The following TRUB1 variants were observed in gnomAD, a reference collection of about 807,000 sequenced individuals.
TRUB1 encodes pseudouridylate synthase TRUB1.
A neutral mutation model predicts 33.9 loss-of-function variants in TRUB1; 23 were observed. The observed-to-expected ratio is 0.68, with a 90% CI of 0.49 to 0.96. TRUB1 has a LOEUF of 0.96. Among genes scored for constraint, TRUB1 ranks in the 40% least tolerant of loss-of-function variants. The pLI, the probability that TRUB1 is intolerant of heterozygous loss-of-function variation, is 0.00. For missense variants in TRUB1, 378 were observed against 422.2 expected, an observed-to-expected ratio of 0.90 and a Z score of 0.92; for synonymous variants, 163 against 165.4, an observed-to-expected ratio of 0.99 and a Z score of 0.11.
chr10:114,946,233 G>A (rs888394405), intron 2 of TRUB1, among the ~76,000 whole-genome samples: 2 of 152,022 alleles, frequency 1.3e-5, no homozygotes, highest in Non-Finnish European at 2.9e-5. Flanking sequence ...AGAAGATAAC[G>A]TCTACCAAAA....
intron 1 of TRUB1, among the ~76,000 whole-genome samples, chr10:114,939,096 A>G (rs2084173275): frequency 6.6e-6 from 1 of 152,216 alleles, no homozygotes; most frequent in Non-Finnish European, 1.5e-5. Flanking sequence ...AATTCTAAAT[A>G]GTTGCTCCAG....
At chr10:114,950,141 G>A (rs112638932) in intron 2 of TRUB1, among the ~76,000 whole-genome samples, 3,683 of 151,924 alleles carry the variant, frequency 0.024, 57 homozygotes, top group Middle Eastern at 0.065. Context: ...CAGGTGATCC[G>A]CCCGCCTCAA....
At chr10:114,944,982 C>T (rs2084205492) in intron 2 of TRUB1, among the ~76,000 whole-genome samples, 1 of 152,092 alleles carries the variant, frequency 6.6e-6, no homozygotes, top group Non-Finnish European at 1.5e-5. Context: ...AAAACAAAAA[C>T]CCCAGTTAAT....
Position 114,976,608 on chromosome 10 carries a change from CTTTCTTTT to C in TRUB1, c.*1231_*1238del, listed in dbSNP as rs1472032856. ...AAGTTTTTAGATGTTTATGCTTTGC[CTTTCTTTT>C]TAAAGGTGTTTTCCTGCTTTGTAGT... is the stretch of plus-strand genomic sequence containing the variant. On this transcript the variant is annotated 3_prime_UTR_variant, in exon 8 of 8. Transcript: ENST00000298746. 6.6e-6 allele frequency: 1 copy of C among 152,070 alleles called. No individual in the cohort carries two copies. Among genetic ancestry groups the C allele is most frequent in the Non-Finnish European group, 1.5e-5 (1 of 67,988 alleles). The allele number at this position is 152,070 out of a possible 1,614,324, so 9.4% of individuals were successfully genotyped here.
chr10:114,945,631 C>T (rs2084207917), intron 2 of TRUB1, among the ~76,000 whole-genome samples: 1 of 152,104 alleles, frequency 6.6e-6, no homozygotes, highest in African/African-American at 2.4e-5. Flanking sequence ...TGAATGCAGC[C>T]CTACACAAAT....
At chr10:114,953,077 C>A (rs1419962623) in intron 3 of TRUB1, among the ~76,000 whole-genome samples, 1 of 152,108 alleles carries the variant, frequency 6.6e-6, no homozygotes, top group East Asian at 1.9e-4. Flanking sequence ...CCTCCTCCCC[C>A]AAACCACAAA....
At chr10:114,971,052 G>A (rs1429670265) in intron 5 of TRUB1, among the ~76,000 whole-genome samples, 1 of 152,184 alleles carries the variant, frequency 6.6e-6, no homozygotes, top group African/African-American at 2.4e-5. Context: ...CAGGATCACA[G>A]TGCAGTGGGC....
chr10:114,966,258 C>T (rs1206312261), intron 4 of TRUB1, among the ~76,000 whole-genome samples: 1 of 152,140 alleles, frequency 6.6e-6, no homozygotes, highest in Non-Finnish European at 1.5e-5. Context: ...ACTATCCTTT[C>T]TGTGGTTGCC....
chr10:114,940,038 G>T (rs1041265083), intron 1 of TRUB1, among the ~76,000 whole-genome samples: 12 of 152,070 alleles, frequency 7.9e-5, no homozygotes, highest in African/African-American at 2.9e-4. Flanking sequence ...CTTGTGATTG[G>T]CCTATTTTGT....
At chr10:114,947,067 CAG>C (rs944848524) in intron 2 of TRUB1, among the ~76,000 whole-genome samples, 1 of 151,954 alleles carries the variant, frequency 6.6e-6, no homozygotes, top group African/African-American at 2.4e-5. Context: ...AAGAGAGAGT[CAG>C]AGGAGATGTG....
chr10:114,946,192 A>G (rs1592048609), intron 2 of TRUB1, among the ~76,000 whole-genome samples: 1 of 152,194 alleles, frequency 6.6e-6, no homozygotes. Context: ...AAAATCTCGT[A>G]ACTTCACTGA....
rs75454289 is a variant in TRUB1, at chr10:114,949,148, A to G, written c.386-1946A>G. Among the ~76,000 whole-genome samples, 1,416 of 152,232 alleles carry G rather than the reference A, an allele frequency of 9.3e-3. 22 individuals carry two copies. The highest frequency in any genetic ancestry group is 0.032 in the African/African-American group (1,336 of 41,540). On this transcript the variant is annotated intron_variant, in intron 2 of 7. Transcript: ENST00000298746. ...TTCTTGAGCACTGTGATTTTTCTGT[A>G]TTTTATTTTCCTGATGAGATTATAA...
intron 3 of TRUB1, among the ~76,000 whole-genome samples, chr10:114,958,623 T>C (rs1460304679): frequency 6.6e-6 from 1 of 152,230 alleles, no homozygotes; most frequent in African/African-American, 2.4e-5. Context: ...GAAATAAAGT[T>C]CTTGCACTTT....
chr10:114,946,028 A>C (rs2084209763), intron 2 of TRUB1, among the ~76,000 whole-genome samples: 1 of 152,218 alleles, frequency 6.6e-6, no homozygotes, highest in African/African-American at 2.4e-5. Flanking sequence ...TTAGTCACAG[A>C]GTAAGGGATG....
At chr10:114,968,112 G>C (rs1055053054) in intron 4 of TRUB1, among the ~76,000 whole-genome samples, 2 of 152,076 alleles carry the variant, frequency 1.3e-5, no homozygotes, top group Non-Finnish European at 2.9e-5. Context: ...AATCAAATAT[G>C]TAGAAAGAAG....
chr10:114,968,607 G>A (rs1232181662), intron 4 of TRUB1, among the ~76,000 whole-genome samples: 1 of 152,216 alleles, frequency 6.6e-6, no homozygotes, highest in East Asian at 1.9e-4. Flanking sequence ...TTGAGAAACA[G>A]TATGAACAGA....
rs780298786 is a variant in TRUB1, at chr10:114,938,203, T to G, written c.-51T>G. The G allele has an allele frequency of 1.9e-6, 3 of 1,593,808 alleles. No individual in the cohort carries two copies. The highest frequency in any genetic ancestry group is 2.6e-6 in the Non-Finnish European group (3 of 1,170,740). ...AGGGTCCTGTCAGGCGCACTCTTGT[T>G]GCATCATCAGCGTGCACCTCCACGA... On this transcript the variant is annotated 5_prime_UTR_variant, in exon 1 of 8. Coordinates refer to ENST00000298746, the MANE Select transcript of TRUB1 (RefSeq NM_139169.5).
chr10:114,946,260 T>G (rs1403560705), intron 2 of TRUB1, among the ~76,000 whole-genome samples: 1 of 152,208 alleles, frequency 6.6e-6, no homozygotes, highest in Non-Finnish European at 1.5e-5. Context: ...CAAAAGGTTT[T>G]CAAAAATATT....
chr10:114,975,220 T>G lies in TRUB1; in HGVS notation c.891T>G (p.Ile297Met), dbSNP rs995899009. 3.1e-6 allele frequency: 5 copies of G among 1,613,610 alleles called. No homozygotes were observed. Among genetic ancestry groups the G allele is most frequent in the African/African-American group, 1.3e-5 (1 of 74,908 alleles). The change falls in exon 8 of 8, where the codon ATT becomes ATG. Residue 297 changes from isoleucine to methionine, a missense_variant. Coordinates refer to ENST00000298746, the MANE Select transcript of TRUB1 (RefSeq NM_139169.5). ...CCCTTCCTGAAGACAAATGGACAATTGATGACATTGCACAGTCTCTTGAGC... is the reference window on the plus strand; with the variant it reads ...CCCTTCCTGAAGACAAATGGACAATGGATGACATTGCACAGTCTCTTGAGC... ...EHALPEDKWT[I>M]DDIAQSLEHC...
Sources: allele counts gnomAD v4.1 joint callset (sites outside exome capture counted in the v4.1 genomes callset), GRCh38; gene constraint gnomAD v4.1.1; transcripts MANE v1.5; gene names NCBI Gene and HGNC (gene_info 2026-07-23, HGNC 2026-07-21).